DSG4: variants seen among roughly 807,000 people sequenced by gnomAD.
The protein encoded by DSG4 is desmoglein-4.
A neutral mutation model predicts 93.1 loss-of-function variants in DSG4; 87 were observed. The ratio of observed to expected loss-of-function variants is 0.93; its 90% CI spans 0.79 to 1.12. DSG4 has a LOEUF of 1.12. Among genes scored for constraint, DSG4 ranks in the 50% most tolerant of loss-of-function variants. The pLI is 0.00. For synonymous variants in DSG4, 432 were observed against 452.9 expected, an observed-to-expected ratio of 0.95 and a Z score of 0.59; for missense variants, 1,373 against 1,285.7, an observed-to-expected ratio of 1.07 and a Z score of -1.04.
At chr18:31,407,596 C>T (rs1054634620) in intron 12 of DSG4, among the ~76,000 whole-genome samples, 1 of 152,162 alleles carries the variant, frequency 6.6e-6, no homozygotes, top group Admixed American at 6.5e-5. Flanking sequence ...ATTTGTCAAA[C>T]TGTATTGTTG....
rs775104246 is a variant in DSG4, at chr18:31,388,877, T to A, written c.376T>A (p.Tyr126Asn). 3.1e-6 allele frequency: 5 copies of A among 1,613,574 alleles called. No individual in the cohort carries two copies. In the East Asian group the frequency reaches 8.9e-5, roughly 29 times the overall value. Residue 126 changes from tyrosine to asparagine, a missense_variant, in exon 5 of 16, where the codon TAT becomes AAT. Coordinates refer to ENST00000308128, the MANE Select transcript of DSG4 (RefSeq NM_177986.5). ...GCTTTTTTCCAATTTTCCACAGATCTATTGCCGGGCTCTGAATTCACGGGG... is the reference window on the plus strand; with the variant it reads ...GCTTTTTTCCAATTTTCCACAGATCAATTGCCGGGCTCTGAATTCACGGGG... ...DREITPLFLI[Y>N]CRALNSRGED...
Position 31,409,885 on chromosome 18 carries a change from A to T in DSG4, c.2137+77A>T, listed in dbSNP as rs963645958. On this transcript the variant is annotated intron_variant, in intron 14 of 15. Transcript: ENST00000308128. The stretch of plus-strand genomic sequence containing the variant: ...AACCAGACCAACTTCATGTAAAAGT[A>T]CCTTATGGAAAAGTCTGTCAGTCTC... The T allele has an allele frequency of 2.0e-6, 3 of 1,512,082 alleles. No homozygotes were observed. In the African/African-American group the frequency reaches 4.2e-5, roughly 21 times the overall value. The allele number at this position is 1,512,082 out of a possible 1,614,324, so 93.7% of individuals were successfully genotyped here.
chr18:31,413,810 C>G lies in DSG4; in HGVS notation c.*215C>G. The G allele has an allele frequency of 1.7e-6, 1 of 581,932 alleles. No individual in the cohort carries two copies. Among genetic ancestry groups the G allele is most frequent in the South Asian group, 2.0e-5 (1 of 49,346 alleles). The allele number at this position is 581,932 out of a possible 1,614,324, so 36.0% of individuals were successfully genotyped here. A position where few individuals can be genotyped will look rare whatever the true frequency, so the allele number is the denominator to read the frequency against. On this transcript the variant is annotated 3_prime_UTR_variant, in exon 16 of 16. Coordinates refer to ENST00000308128, the MANE Select transcript of DSG4 (RefSeq NM_177986.5). ...AAATTCTTTCTGATTTTAAATAATG[C>G]GTCAAAAAATGTGCAGAAAATGTAT...
rs533661650 is a variant in DSG4, at chr18:31,382,819, C to T, written c.49-2317C>T. Among the ~76,000 whole-genome samples, 6 of 152,250 alleles carry T rather than the reference C, an allele frequency of 3.9e-5. No individual in the cohort carries two copies. In the South Asian group the frequency reaches 1.0e-3, roughly 26 times the overall value. ...CAGCATAGGTTCTGCTAGATGAAAA[C>T]CCTGGGTCCTAGTATTCCACTTCCC... On this transcript the variant is annotated intron_variant, in intron 1 of 15. Transcript: ENST00000308128.
Position 31,412,754 on chromosome 18 carries a change from T to A in DSG4, c.2356-74T>A, listed in dbSNP as rs1263137756. The A allele has an allele frequency of 1.1e-4, 170 of 1,511,490 alleles. No individual in the cohort carries two copies. In the African/African-American group the frequency reaches 2.1e-3, roughly 18 times the overall value. 93.6% of individuals were successfully genotyped at this position (1,511,490 alleles called of 1,614,324 possible). On this transcript the variant is annotated intron_variant, in intron 15 of 15. Transcript: ENST00000308128. ...TAACAACTTAACTCAGAAGTCTCTC[T>A]GAGGGATTGCTGTTATTCTTCCTTA...
At chr18:31,408,797 A>G (rs2072454647) in intron 12 of DSG4, among the ~76,000 whole-genome samples, 1 of 152,236 alleles carries the variant, frequency 6.6e-6, no homozygotes, top group African/African-American at 2.4e-5. Flanking sequence ...AGTGTATTCT[A>G]GAATCTTAGA....
At chr18:31,411,938 A>G (rs919054236) in intron 15 of DSG4, among the ~76,000 whole-genome samples, 4 of 152,222 alleles carry the variant, frequency 2.6e-5, no homozygotes, top group Admixed American at 2.6e-4. Flanking sequence ...TAAGACCTAG[A>G]AGATAGCTCT....
At chr18:31,405,825 AG>A (rs1202364862) in intron 11 of DSG4, among the ~76,000 whole-genome samples, 1 of 152,114 alleles carries the variant, frequency 6.6e-6, no homozygotes, top group Non-Finnish European at 1.5e-5. Context: ...CCAAGGCTGC[AG>A]TGAGTCATGT....
rs576858711 is a variant in DSG4, at chr18:31,382,764, A to G, written c.49-2372A>G. Among the ~76,000 whole-genome samples the G allele has an allele frequency of 2.6e-5, 4 of 152,276 alleles. No homozygotes were observed. The South Asian group carries it at 8.3e-4, about 32-fold the overall frequency. Reference sequence around the variant, plus strand: ...CAGCTGAGCAGGGAGCAGAAATACCACAAATATACTATGGAAGCCTCCATC... The same window carrying G: ...CAGCTGAGCAGGGAGCAGAAATACCGCAAATATACTATGGAAGCCTCCATC... On this transcript the variant is annotated intron_variant, in intron 1 of 15. Transcript: ENST00000308128.
intron 8 of DSG4, among the ~76,000 whole-genome samples, chr18:31,393,665 G>T (rs1231877104): frequency 6.6e-6 from 1 of 152,164 alleles, no homozygotes; most frequent in Non-Finnish European, 1.5e-5. Flanking sequence ...GATGAGATTT[G>T]TGGGTGACAG....
intron 6 of DSG4, 89 bp downstream of exon 6, chr18:31,390,911 A>G (rs2072241389): frequency 6.5e-7 from 1 of 1,528,002 alleles, no homozygotes; most frequent in African/African-American, 1.4e-5. Context: ...TTACTCCAAT[A>G]TAAAGGAGGG....
chr18:31,400,519 A>G (rs1480170218), intron 9 of DSG4, among the ~76,000 whole-genome samples: 3 of 152,226 alleles, frequency 2.0e-5, no homozygotes, highest in African/African-American at 4.8e-5. Context: ...CACAAAAAAA[A>G]TCCTAAGTAT....
chr18:31,403,758 A>ATCAGT, intron 11 of DSG4, 124 bp downstream of exon 11: 1 of 871,320 alleles, frequency 1.1e-6, no homozygotes. Context: ...CCATATTAAC[A>ATCAGT]TTAAATGAAA....
At position 31,413,933 on chromosome 18, in the gene DSG4, C is replaced by T. The variant is rs556928291; in HGVS notation, c.*338C>T. On this transcript the variant is annotated 3_prime_UTR_variant, in exon 16 of 16. Coordinates refer to ENST00000308128, the MANE Select transcript of DSG4 (RefSeq NM_177986.5). ...GAACCAATCTTGTAAACCAAGATGC[C>T]TTGTTCTTGGAAGTTACAAAAGAAG... The T allele has an allele frequency of 1.1e-3, 205 of 182,250 alleles. No individual in the cohort carries two copies. The highest frequency in any genetic ancestry group is 4.6e-3 in the African/African-American group (193 of 42,290). 11.3% of individuals were successfully genotyped at this position (182,250 alleles called of 1,614,324 possible). A position where few individuals can be genotyped will look rare whatever the true frequency, so the allele number is the denominator to read the frequency against.
In DSG4 at chr18:31,413,122, A is replaced by G; in HGVS notation, c.2650A>G (p.Thr884Ala). 2 of 1,613,934 alleles carry G rather than the reference A, an allele frequency of 1.2e-6. No individual in the cohort carries two copies. The highest frequency in any genetic ancestry group is 8.5e-7 in the Non-Finnish European group (1 of 1,179,992). The change falls in exon 16 of 16, where the codon ACT (threonine) becomes GCT (alanine). Residue 884 changes from threonine (T) to alanine (A), a missense_variant. Transcript: ENST00000308128. ...NYFVNESSGL[T>A]PSEVEFQEEM... is the part of the protein sequence containing the mutation. Reference sequence around the variant, plus strand: ...CTTTGTTAATGAATCTTCAGGATTGACTCCCTCAGAAGTTGAATTCCAAGA... The same window carrying G: ...CTTTGTTAATGAATCTTCAGGATTGGCTCCCTCAGAAGTTGAATTCCAAGA...
intron 14 of DSG4, among the ~76,000 whole-genome samples, chr18:31,410,319 T>C (rs1353189857): frequency 2.0e-5 from 3 of 151,556 alleles, no homozygotes; most frequent in Non-Finnish European, 4.4e-5. Context: ...CTGTGAGGAG[T>C]AAATAATACA....
Position 31,412,948 on chromosome 18 carries a change from G to T in DSG4, c.2476G>T (p.Asp826Tyr), listed in dbSNP as rs754567926. The change falls in exon 16 of 16, where the codon GAT (aspartate) becomes TAT (tyrosine). Residue 826 changes from aspartate to tyrosine, a missense_variant. Coordinates refer to ENST00000308128, the MANE Select transcript of DSG4 (RefSeq NM_177986.5). ...GSIGCCSWIV[D>Y]DLDESCMETL... ...TATTGGTTGTTGCAGTTGGATTGTG[G>T]ATGACTTAGATGAAAGCTGCATGGA... 2.7e-5 allele frequency: 44 copies of T among 1,614,066 alleles called. No homozygotes were observed. The South Asian group carries it at 4.6e-4, about 17-fold the overall frequency.
intron 8 of DSG4, among the ~76,000 whole-genome samples, chr18:31,392,700 T>G (rs943026033): frequency 2.6e-5 from 4 of 152,218 alleles, no homozygotes; most frequent in Admixed American, 2.6e-4. Context: ...TATGAAATAA[T>G]GAAAGAGATA....
At chr18:31,401,146 C>A in intron 10 of DSG4, 126 bp downstream of exon 10, 2 of 705,558 alleles carry the variant, frequency 2.8e-6, no homozygotes, top group Non-Finnish European at 2.2e-6. Context: ...TTATGGAAAG[C>A]CCTAAACACC....
Sources: allele counts gnomAD v4.1 joint callset (sites outside exome capture counted in the v4.1 genomes callset), GRCh38; gene constraint gnomAD v4.1.1; transcripts MANE v1.5; gene names NCBI Gene and HGNC (gene_info 2026-07-23, HGNC 2026-07-21).